Variants in CORO2A observed in about 807,000 individuals in gnomAD.
CORO2A encodes coronin-2A.
Under a neutral mutation model 62.4 loss-of-function variants are expected in CORO2A, and 47 were observed. The observed-to-expected ratio is 0.75, with a 90% CI of 0.60 to 0.96. The LOEUF is 0.96. Among genes scored for constraint, CORO2A ranks in the 40% least tolerant of loss-of-function variants. The pLI, the probability that CORO2A is intolerant of heterozygous loss-of-function variation, is 0.00. For missense variants in CORO2A, 610 were observed against 684.1 expected (o/e 0.89, Z 1.21); for synonymous variants, 273 against 268.9 (o/e 1.02, Z -0.15).
chr9:98,163,499 T>C (rs940946791), intron 1 of CORO2A, among the ~76,000 whole-genome samples: 3 of 152,158 alleles, frequency 2.0e-5, no homozygotes, highest in Non-Finnish European at 4.4e-5. Context: ...CTTGAGTTTA[T>C]TTCTTAACAC....
At chr9:98,145,469 G>A (rs1827633154) in intron 2 of CORO2A, among the ~76,000 whole-genome samples, 1 of 152,160 alleles carries the variant, frequency 6.6e-6, no homozygotes, top group South Asian at 2.1e-4. Context: ...AACTGGAAGA[G>A]ACTTCCAAAA....
At chr9:98,178,010 A>T (rs1321964333) in intron 1 of CORO2A, among the ~76,000 whole-genome samples, 1 of 152,070 alleles carries the variant, frequency 6.6e-6, no homozygotes, top group East Asian at 1.9e-4. Context: ...CCCCAGTGTT[A>T]ATTCTCTCAC....
chr9:98,121,761 C>A lies in CORO2A; in HGVS notation c.*3013G>T, dbSNP rs974455049. On this transcript the variant is annotated 3_prime_UTR_variant, in exon 12 of 12. Coordinates refer to ENST00000375077, the MANE Select transcript of CORO2A (RefSeq NM_052820.4). ...CATGGGGACTGTAATGCCTGCCTGA[C>A]CTGTGTTAGAACAGCATGTGTCACT... is the stretch of plus-strand genomic sequence containing the variant. 1 of 152,138 alleles carries A rather than the reference C, an allele frequency of 6.6e-6. No homozygotes were observed. The highest frequency in any genetic ancestry group is 2.4e-5 in the African/African-American group (1 of 41,392). 9.4% of individuals were successfully genotyped at this position (152,138 alleles called of 1,614,324 possible).
intron 8 of CORO2A, among the ~76,000 whole-genome samples, chr9:98,129,128 T>C (rs371233180): frequency 5.3e-5 from 8 of 152,326 alleles, no homozygotes; most frequent in East Asian, 3.9e-4. Flanking sequence ...CTCACTTTGT[T>C]GCCCAGGCTA....
At chr9:98,132,970 G>A in intron 5 of CORO2A, 68 bp downstream of exon 5, 1 of 1,554,122 alleles carries the variant, frequency 6.4e-7, no homozygotes, top group South Asian at 1.2e-5. Context: ...GTTCTCTGAA[G>A]CCTCTCTCTG....
intron 1 of CORO2A, among the ~76,000 whole-genome samples, chr9:98,165,047 C>T (rs1212421139): frequency 1.3e-5 from 2 of 152,114 alleles, no homozygotes; most frequent in Non-Finnish European, 2.9e-5. Context: ...GTGCTCTCTG[C>T]AGCCTCAACC....
intron 2 of CORO2A, among the ~76,000 whole-genome samples, chr9:98,138,971 C>A (rs1451882744): frequency 6.6e-6 from 1 of 150,420 alleles, no homozygotes; most frequent in East Asian, 2.0e-4. Context: ...CGCTTGAACC[C>A]AGGAGGCAGA....
intron 2 of CORO2A, among the ~76,000 whole-genome samples, chr9:98,141,242 G>A (rs1015007333): frequency 6.6e-6 from 1 of 152,016 alleles, no homozygotes; most frequent in African/African-American, 2.4e-5. Context: ...AGGGGAGAGA[G>A]GTGCATGCTT....
At chr9:98,150,456 T>C (rs1053598230) in intron 2 of CORO2A, among the ~76,000 whole-genome samples, 3 of 152,214 alleles carry the variant, frequency 2.0e-5, no homozygotes, top group Non-Finnish European at 4.4e-5. Context: ...CTATTTGTTC[T>C]GCCAGCATAC....
At chr9:98,180,323 C>T (rs1417100804) in intron 1 of CORO2A, among the ~76,000 whole-genome samples, 1 of 152,114 alleles carries the variant, frequency 6.6e-6, no homozygotes, top group African/African-American at 2.4e-5. Flanking sequence ...GTATGACCGG[C>T]TGCTACAAGG....
chr9:98,167,743 T>C (rs1484373065), intron 1 of CORO2A, among the ~76,000 whole-genome samples: 1 of 152,274 alleles, frequency 6.6e-6, no homozygotes, highest in African/African-American at 2.4e-5. Context: ...ACTGTGCTTA[T>C]ATTAGACAAG....
Position 98,180,370 on chromosome 9 carries a change from T to C in CORO2A, c.-1+12189A>G, listed in dbSNP as rs546850795. ...GAAGTGCTCCCTCTTCCAGGAAGTCTTCCTGCAAGCATTCCCATCCATCCC... is the reference window on the plus strand; with the variant it reads ...GAAGTGCTCCCTCTTCCAGGAAGTCCTCCTGCAAGCATTCCCATCCATCCC... On this transcript the variant is annotated intron_variant, in intron 1 of 11. Transcript: ENST00000375077. 1.1e-4 allele frequency among the ~76,000 whole-genome samples: 17 copies of C among 152,188 alleles called. No homozygotes were observed. In the South Asian group the frequency reaches 3.5e-3, roughly 32 times the overall value.
In CORO2A at chr9:98,134,901, T is replaced by C. The variant is rs780010070; in HGVS notation, c.373A>G (p.Arg125Gly). Residue 125 changes from arginine (R) to glycine (G), a missense_variant, in exon 4 of 12, where the codon AGG becomes GGG. Transcript: ENST00000375077. Reference protein sequence around the residue: ...QLLTRNLTAYRKELVGHARRV... With the variant: ...QLLTRNLTAYGKELVGHARRV... ...CGCGCGTGGCCCACGAGTTCCTTCCTGTAGGCCGTGAGGTTCCTGGTCAGC... is the reference window on the plus strand; with the variant it reads ...CGCGCGTGGCCCACGAGTTCCTTCCCGTAGGCCGTGAGGTTCCTGGTCAGC... 3 of 1,614,190 alleles carry C rather than the reference T, an allele frequency of 1.9e-6. No individual in the cohort carries two copies. The highest frequency in any genetic ancestry group is 2.2e-5 in the East Asian group (1 of 44,880).
intron 2 of CORO2A, among the ~76,000 whole-genome samples, chr9:98,154,170 G>A (rs1378102409): frequency 1.3e-5 from 2 of 151,524 alleles, no homozygotes; most frequent in Non-Finnish European, 2.9e-5. Flanking sequence ...TCTGGTTTTG[G>A]TATCAAGGTT....
rs1827262854 is a variant in CORO2A at position 98,122,963 on chromosome 9, T to C, written c.*1811A>G. ...GTTGTAGAATTGGGTTGAATGCCTC[T>C]GACCCCTTGCCAGTGTCCGTTAGTT... On this transcript the variant is annotated 3_prime_UTR_variant, in exon 12 of 12. Coordinates refer to ENST00000375077, the MANE Select transcript of CORO2A (RefSeq NM_052820.4). The C allele has an allele frequency of 6.6e-6, 1 of 152,316 alleles. No homozygotes were observed. The highest frequency in any genetic ancestry group is 6.5e-5 in the Admixed American group (1 of 15,274). The allele number at this position is 152,316 out of a possible 1,614,324, so 9.4% of individuals were successfully genotyped here.
At chr9:98,173,102 C>T (rs1380816827) in intron 1 of CORO2A, among the ~76,000 whole-genome samples, 1 of 152,172 alleles carries the variant, frequency 6.6e-6, no homozygotes, top group African/African-American at 2.4e-5. Flanking sequence ...GCCAGGAGTT[C>T]CAGACTAGCC....
chr9:98,145,995 G>A (rs1375082805), intron 2 of CORO2A, among the ~76,000 whole-genome samples: 2 of 152,186 alleles, frequency 1.3e-5, no homozygotes, highest in African/African-American at 2.4e-5. Flanking sequence ...ACAGGTGTGA[G>A]CCACCATGCT....
At chr9:98,142,846 C>CCTGCCCTGCGCTGCCCTGCG (rs200366408) in intron 2 of CORO2A, among the ~76,000 whole-genome samples, 7 of 142,316 alleles carry the variant, frequency 4.9e-5, no homozygotes, top group African/African-American at 8.2e-5. Context: ...CCTGCCCTGC[C>CCTGCCCTGCGCTGCCCTGCG]CTGCCCTGCG....
intron 2 of CORO2A, among the ~76,000 whole-genome samples, chr9:98,145,122 G>A (rs1827625092): frequency 6.6e-6 from 1 of 152,140 alleles, no homozygotes; most frequent in Non-Finnish European, 1.5e-5. Context: ...CCTTTGGAGG[G>A]TTTACTGTAG....
Sources: allele counts gnomAD v4.1 joint callset (sites outside exome capture counted in the v4.1 genomes callset), GRCh38; gene constraint gnomAD v4.1.1; transcripts MANE v1.5; gene names NCBI Gene and HGNC (gene_info 2026-07-23, HGNC 2026-07-21).